CUL3: variants seen among roughly 807,000 people sequenced by gnomAD.
CUL3 encodes cullin 3.
CUL3 carries 19 observed loss-of-function variants against 89.1 expected under a neutral mutation model. The observed-to-expected ratio is 0.21, with a 90% CI of 0.15 to 0.31. The LOEUF is 0.31. Ranked by LOEUF, CUL3 falls within the 10% of genes least tolerant of loss-of-function variation. The pLI is 1.00. For synonymous variants in CUL3, 351 were observed against 308.4 expected (o/e 1.14, Z -1.45); for missense variants, 469 against 942.3 (o/e 0.50, Z 6.58).
intron 8 of CUL3, chr2:224,504,237 TG>T (rs1408867564): frequency 6.4e-6 from 1 of 155,384 alleles, no homozygotes; most frequent in African/African-American, 2.4e-5. Context: ...AAGCCTCAAC[TG>T]TGCAAACAAA....
In CUL3 at chr2:224,563,381, T is replaced by C. The variant is rs896182598; in HGVS notation, c.67-5525A>G. The C allele has an allele frequency of 9.9e-6, 4 of 403,532 alleles. No individual in the cohort carries two copies. The East Asian group carries it at 3.1e-4, about 31-fold the overall frequency. 25.0% of individuals were successfully genotyped at this position (403,532 alleles called of 1,614,324 possible). On this transcript the variant is annotated intron_variant, in intron 1 of 15. Coordinates refer to ENST00000264414, the MANE Select transcript of CUL3 (RefSeq NM_003590.5). ...CATCTATTATCCGTACATGCAGGGT[T>C]CTAAAACTTAAGAGGGATTCCAGAG...
intron 7 of CUL3, 21 bp downstream of exon 7, chr2:224,506,837 G>A (rs757072384): frequency 1.9e-6 from 3 of 1,608,814 alleles, no homozygotes; most frequent in Admixed American, 3.4e-5. Flanking sequence ...TAAACACAGA[G>A]AATCTTCTGG....
chr2:224,559,533 C>T (rs1219716662), intron 1 of CUL3, among the ~76,000 whole-genome samples: 18 of 151,802 alleles, frequency 1.2e-4, no homozygotes, highest in Admixed American at 1.2e-3. Context: ...TCAGCACCAT[C>T]TAATCTCTCT....
At chr2:224,478,149 T>A in intron 15 of CUL3, 51 bp downstream of exon 15, 1 of 1,502,428 alleles carries the variant, frequency 6.7e-7, no homozygotes, top group African/African-American at 1.4e-5. Context: ...ATAATTTTGT[T>A]AATAATGTTA....
At chr2:224,512,102 C>CT (rs71062934) in intron 5 of CUL3, among the ~76,000 whole-genome samples, 27,279 of 146,036 alleles carry the variant, frequency 0.19, 2,772 homozygotes, top group South Asian at 0.28. Flanking sequence ...TCTTTTTTTT[C>CT]TTTTTTTTTT....
chr2:224,518,841 T>C (rs930753133), intron 3 of CUL3, among the ~76,000 whole-genome samples: 2 of 152,230 alleles, frequency 1.3e-5, no homozygotes, highest in Admixed American at 6.5e-5. Context: ...TGGCTTGGAT[T>C]TCCCCTGTCC....
intron 13 of CUL3, among the ~76,000 whole-genome samples, chr2:224,490,277 C>T (rs191767277): frequency 2.0e-5 from 3 of 152,300 alleles, no homozygotes; most frequent in Admixed American, 2.0e-4. Context: ...TACTAAAAGT[C>T]TCTGATATGC....
intron 2 of CUL3, among the ~76,000 whole-genome samples, chr2:224,555,343 A>T (rs947680338): frequency 6.6e-6 from 1 of 152,134 alleles, no homozygotes; most frequent in Non-Finnish European, 1.5e-5. Flanking sequence ...AATTTCTGAC[A>T]TCATCCATTC....
intron 2 of CUL3, among the ~76,000 whole-genome samples, chr2:224,535,892 AG>A (rs1457775893): frequency 6.6e-6 from 1 of 152,186 alleles, no homozygotes; most frequent in East Asian, 1.9e-4. Context: ...CCAACCCTCC[AG>A]TGACTTGACA....
At chr2:224,572,518 G>C (rs1433784912) in intron 1 of CUL3, among the ~76,000 whole-genome samples, 1 of 150,220 alleles carries the variant, frequency 6.7e-6, no homozygotes, top group East Asian at 2.0e-4. Flanking sequence ...ACCTGCACCT[G>C]TCGTCCCAGC....
intron 1 of CUL3, among the ~76,000 whole-genome samples, chr2:224,582,981 T>C (rs1210867129): frequency 6.6e-6 from 1 of 152,046 alleles, no homozygotes; most frequent in Admixed American, 6.6e-5. Context: ...CTTGAGTGAG[T>C]TGATGTCAAA....
At chr2:224,527,010 T>C (rs1183133546) in intron 3 of CUL3, among the ~76,000 whole-genome samples, 1 of 152,156 alleles carries the variant, frequency 6.6e-6, no homozygotes, top group Non-Finnish European at 1.5e-5. Context: ...TTCCTTGACA[T>C]AAGGCCTAGT....
intron 8 of CUL3, among the ~76,000 whole-genome samples, chr2:224,504,919 T>C (rs1332027455): frequency 6.6e-6 from 1 of 151,240 alleles, no homozygotes; most frequent in African/African-American, 2.4e-5. Flanking sequence ...TCACAAAGGC[T>C]TGAAATTGAG....
chr2:224,475,871 C>A (rs1052039063), intron 15 of CUL3, among the ~76,000 whole-genome samples: 3 of 152,128 alleles, frequency 2.0e-5, no homozygotes, highest in Non-Finnish European at 4.4e-5. Flanking sequence ...CATTATCAAC[C>A]TACCACAGAG....
intron 2 of CUL3, among the ~76,000 whole-genome samples, chr2:224,543,706 G>C (rs537220002): frequency 3.3e-4 from 50 of 152,284 alleles, no homozygotes; most frequent in Admixed American, 3.2e-3. Context: ...TTTTGGCCTG[G>C]TGTGGCGGCT....
chr2:224,479,700 C>G (rs1691458074), intron 14 of CUL3: 2 of 152,038 alleles, frequency 1.3e-5, no homozygotes, highest in African/African-American at 4.8e-5. Context: ...CAAACACATA[C>G]ACACACACAG....
chr2:224,558,861 T>TGAAACC (rs1553536023), intron 1 of CUL3, among the ~76,000 whole-genome samples: 1 of 77,164 alleles, frequency 1.3e-5, no homozygotes, highest in Non-Finnish European at 2.6e-5. Context: ...GCTAATACGG[T>TGAAACC]CTCTACTAAA....
At chr2:224,565,337 G>C (rs754275251) in intron 1 of CUL3, among the ~76,000 whole-genome samples, 1 of 152,212 alleles carries the variant, frequency 6.6e-6, no homozygotes, top group Non-Finnish European at 1.5e-5. Flanking sequence ...TTCACATTCA[G>C]TAGGCTGAGG....
chr2:224,550,743 A>G (rs905636302), intron 2 of CUL3, among the ~76,000 whole-genome samples: 2 of 152,092 alleles, frequency 1.3e-5, no homozygotes, highest in African/African-American at 4.8e-5. Flanking sequence ...ACTTTTCTCA[A>G]TCTTAACTGT....
Sources: allele counts gnomAD v4.1 joint callset (sites outside exome capture counted in the v4.1 genomes callset), GRCh38; gene constraint gnomAD v4.1.1; transcripts MANE v1.5; gene names NCBI Gene and HGNC (gene_info 2026-07-23, HGNC 2026-07-21).